DST: variants seen among roughly 807,000 people sequenced by gnomAD.
DST encodes the protein dystonin.
DST carries 253 observed loss-of-function variants against 875.2 expected under a neutral mutation model. The ratio of observed to expected loss-of-function variants is 0.29; its 90% CI spans 0.26 to 0.32. The LOEUF is 0.32. Among genes scored for constraint, DST ranks in the 10% least tolerant of loss-of-function variants. The probability of loss-of-function intolerance (pLI) is 1.00; values close to 1 mark genes in which losing one functional copy is unlikely to be tolerated. For missense variants in DST, 8,287 were observed against 9,111.6 expected (o/e 0.91, Z 3.68); for synonymous variants, 3,124 against 3,197.1 (o/e 0.98, Z 0.77).
intron 3 of DST, among the ~76,000 whole-genome samples, chr6:56,884,492 A>AT (rs1783698714): frequency 6.6e-6 from 1 of 152,186 alleles, no homozygotes; most frequent in African/African-American, 2.4e-5. Context: ...GTATTTTTGT[A>AT]TACTTTCATC....
chr6:56,880,383 G>A lies in DST; in HGVS notation c.417+20038C>T, dbSNP rs560073477. On this transcript the variant is annotated intron_variant, in intron 3 of 103. Transcript: ENST00000680361. ...TACTTCGGAGAAACCATTTTAGTAC[G>A]TTTCTTAGAAAGCAGTATATTAGGC... 3.9e-5 allele frequency among the ~76,000 whole-genome samples: 6 copies of A among 152,256 alleles called. No homozygotes were observed. In the South Asian group the frequency reaches 6.2e-4, roughly 16 times the overall value.
intron 4 of DST, among the ~76,000 whole-genome samples, chr6:56,833,377 C>T (rs2099789728): frequency 2.0e-5 from 3 of 152,180 alleles, no homozygotes; most frequent in Non-Finnish European, 4.4e-5. Context: ...ATTACCATAA[C>T]AAAACTTTCT....
chr6:56,578,881 C>T lies in DST; in HGVS notation c.12960G>A (p.Thr4320=), dbSNP rs763102936. The T allele has an allele frequency of 1.5e-5, 24 of 1,609,068 alleles. No homozygotes were observed. The South Asian group carries it at 2.0e-4, about 13-fold the overall frequency. ...QQVAVEKLKK[T]AEVLLDARGS... ...CCCTGGCATCTAAAAGCACTTCAGC[C>T]GTTTTCTTCAGTTTCTCTACAGCAA... Residue 4320 remains threonine, a synonymous_variant, in exon 50 of 104, where the codon ACG becomes ACA. Transcript: ENST00000680361.
chr6:56,553,804 T>G (rs1279327236), intron 60 of DST, 149 bp from the exon 61 acceptor site: 15 of 717,354 alleles, frequency 2.1e-5, no homozygotes, highest in Admixed American at 6.0e-5. Context: ...CAAGTGAACT[T>G]AAGTTATTGA....
chr6:56,651,908 T>G lies in DST; in HGVS notation c.1215-664A>C, dbSNP rs557564091. ...TTCTCCCAAACCGTCAACTCCAAGA[T>G]AGCAAGTACTATGTATTAAGAAAAT... On this transcript the variant is annotated intron_variant, in intron 10 of 103. Coordinates refer to ENST00000680361, the MANE Select transcript of DST (RefSeq NM_001374736.1). 2.0e-5 allele frequency among the ~76,000 whole-genome samples: 3 copies of G among 152,348 alleles called. No homozygotes were observed. In the East Asian group the frequency reaches 5.8e-4, roughly 29 times the overall value.
Position 56,607,404 on chromosome 6 carries a change from A to G in DST, c.7224T>C (p.Ser2408=), listed in dbSNP as rs750135611. 4 of 1,612,226 alleles carry G rather than the reference A, an allele frequency of 2.5e-6. No individual in the cohort carries two copies. In the Admixed American group the frequency reaches 6.7e-5, roughly 27 times the overall value. The change falls in exon 40 of 104, where the codon AGT becomes AGC. Residue 2408 remains serine, a synonymous_variant. Transcript: ENST00000680361. ...CTGTTTCATTCACACCACAGAATTT[A>G]CTCATTTTTGATTTCATAATAGGAT... ...IENPIMKSKM[S]KFCGVNETEN...
rs547521311 is a variant in DST, at chr6:56,649,202, T to C, written c.1435-513A>G. Among the ~76,000 whole-genome samples the C allele has an allele frequency of 7.7e-4, 117 of 152,334 alleles. 1 individual carries two copies. The highest frequency in any genetic ancestry group is 1.3e-3 in the Non-Finnish European group (91 of 68,034). On this transcript the variant is annotated intron_variant, in intron 12 of 103. Coordinates refer to ENST00000680361, the MANE Select transcript of DST (RefSeq NM_001374736.1). ...ATGGTGGGATTATCCAAGTACTCAG[T>C]AGGCAAACTCTTTAAAAATGGAGGA...
rs2098518474 is a variant in DST, at chr6:56,608,647, C to G, written c.5981G>C (p.Gly1994Ala). The G allele has an allele frequency of 6.2e-7, 1 of 1,613,014 alleles. No individual in the cohort carries two copies. Among genetic ancestry groups the G allele is most frequent in the Non-Finnish European group, 8.5e-7 (1 of 1,179,564 alleles). ...GCCAGAGTTGGAATTGATCAGACCT[C>G]CAGAAAGAAGCTGTGCACTTAACAA... is the stretch of plus-strand genomic sequence containing the variant. ...FRLLSAQLLS[G>A]GLINSNSGQR... Residue 1994 changes from glycine to alanine, a missense_variant, in exon 40 of 104, where the codon GGA (glycine) becomes GCA (alanine). Physicochemically the swap from Gly to Ala is moderately conservative, Grantham distance 60. Around this residue, in one of 10 missense-constraint regions of DST, gnomAD observed 3,138 missense variants for 3,116.6 expected, o/e 1.01. Coordinates refer to ENST00000680361, the MANE Select transcript of DST (RefSeq NM_001374736.1).
intron 50 of DST, among the ~76,000 whole-genome samples, chr6:56,578,364 C>T (rs1457731735): frequency 6.6e-6 from 1 of 152,008 alleles, no homozygotes; most frequent in African/African-American, 2.4e-5. Flanking sequence ...ATAAAGTAAC[C>T]CCTGTCTCTA....
intron 4 of DST, among the ~76,000 whole-genome samples, chr6:56,791,409 T>C (rs892615929): frequency 6.6e-6 from 1 of 152,024 alleles, no homozygotes; most frequent in Non-Finnish European, 1.5e-5. Context: ...ACCAGGGATA[T>C]AAAAGTGGGA....
rs934222974 is a variant in DST at position 56,463,701 on chromosome 6, C to A, written c.22823G>T (p.Gly7608Val). ...GCCTCGGGGTCGGAAAGCAGCCATA[C>A]CCTGGCTGGCACCATCTGCTAAAAT... ...KFILADGASQ[G>V]MAAFRPRGRR... The change falls in exon 101 of 104, where the codon GGT becomes GTT. Residue 7608 changes from glycine to valine, a missense_variant. This residue lies in a region of DST where 64 missense variants were observed against 86.2 expected (regional missense o/e 0.74). Coordinates refer to ENST00000680361, the MANE Select transcript of DST (RefSeq NM_001374736.1). 2 of 1,613,960 alleles carry A rather than the reference C, an allele frequency of 1.2e-6. No homozygotes were observed. Among genetic ancestry groups the A allele is most frequent in the Admixed American group, 1.7e-5 (1 of 60,020 alleles).
intron 92 of DST, 78 bp from the exon 93 acceptor site, chr6:56,474,080 G>A: frequency 4.2e-6 from 5 of 1,195,204 alleles, no homozygotes; most frequent in East Asian, 5.2e-5. Context: ...AAAAGCAGAA[G>A]GATAAAAGAA....
chr6:56,923,588 A>C (rs2127745193), intron 2 of DST, among the ~76,000 whole-genome samples: 1 of 152,160 alleles, frequency 6.6e-6, no homozygotes, highest in East Asian at 1.9e-4. Flanking sequence ...AATCTACAGG[A>C]TGGGCCAGTG....
intron 4 of DST, among the ~76,000 whole-genome samples, chr6:56,829,564 AC>A (rs1168936935): frequency 6.6e-6 from 1 of 152,206 alleles, no homozygotes; most frequent in African/African-American, 2.4e-5. Flanking sequence ...AGTAGTTTCT[AC>A]AAAAAATTAA....
chr6:56,559,110 A>G (rs2097488216), intron 58 of DST, among the ~76,000 whole-genome samples: 1 of 152,184 alleles, frequency 6.6e-6, no homozygotes, highest in African/African-American at 2.4e-5. Context: ...GAACACAATC[A>G]CTGAAACCTT....
At chr6:56,903,274 T>C (rs1794942743) in intron 2 of DST, among the ~76,000 whole-genome samples, 1 of 152,124 alleles carries the variant, frequency 6.6e-6, no homozygotes, top group Non-Finnish European at 1.5e-5. Flanking sequence ...GGACTACAAA[T>C]TCTAGAAACA....
At chr6:56,619,263 G>A (rs2098662698) in intron 36 of DST, 1 of 1,612,788 alleles carries the variant, frequency 6.2e-7, no homozygotes, top group Admixed American at 1.7e-5. Flanking sequence ...TGAATTCTCT[G>A]CATCATTAAT....
chr6:56,890,995 C>T (rs868583156), intron 3 of DST, among the ~76,000 whole-genome samples: 11 of 152,318 alleles, frequency 7.2e-5, no homozygotes, highest in Middle Eastern at 6.8e-3. Flanking sequence ...CAAATGTGTA[C>T]GTTTAGAAAA....
intron 2 of DST, among the ~76,000 whole-genome samples, chr6:56,904,011 C>T (rs1795276405): frequency 6.6e-6 from 1 of 152,152 alleles, no homozygotes; most frequent in Non-Finnish European, 1.5e-5. Flanking sequence ...ATTATTTCCT[C>T]ACCTATAAAA....
Sources: gnomAD v4.1 joint callset for allele counts (sites outside exome capture counted in the v4.1 genomes callset) on GRCh38, gnomAD v4.1.1 for gene constraint, gnomAD v4.1.1 regional missense constraint, MANE v1.5 for transcripts, NCBI Gene and HGNC (gene_info 2026-07-23, HGNC 2026-07-21) for gene names.